ANKRD11: variants seen among roughly 807,000 people sequenced by gnomAD.
The protein encoded by ANKRD11 is ankyrin repeat domain-containing protein 11.
Under a neutral mutation model 195.7 loss-of-function variants are expected in ANKRD11, and 17 were observed. The ratio of observed to expected loss-of-function variants is 0.09; its 90% CI spans 0.06 to 0.13. The LOEUF is 0.13. ANKRD11 is among the 10% of genes least tolerant of loss of function. The pLI is 1.00. For synonymous variants in ANKRD11, 1,953 were observed against 1,528.1 expected (o/e 1.28, Z -6.49); for missense variants, 3,735 against 3,566.1 (o/e 1.05, Z -1.21).
At chr16:89,399,419 C>G (rs535186679) in intron 2 of ANKRD11, among the ~76,000 whole-genome samples, 1 of 152,180 alleles carries the variant, frequency 6.6e-6, no homozygotes, top group South Asian at 2.1e-4. Context: ...AAGGACTACA[C>G]GCTGTACGGT....
rs776520817 is a variant in ANKRD11 at position 89,283,401 on chromosome 16, C to T, written c.3141G>A (p.Gln1047=). ...AACATTTATCAAATTCTTTGTCCTT[C>T]TGACATTTTTCCAGGATTGATTTCT... The part of the protein sequence containing the change: ...KSEKSILEKC[Q]KDKEFDKCFK... Residue 1047 remains glutamine (Q), a synonymous_variant, in exon 9 of 13, where the codon CAG becomes CAA. Coordinates refer to ENST00000301030, the MANE Select transcript of ANKRD11 (RefSeq NM_013275.6). This position sits in a 1 kb window ranked among gnomAD's most constrained non-coding sequence, Gnocchi z 4.3. The T allele has an allele frequency of 1.9e-6, 3 of 1,614,076 alleles. No homozygotes were observed. The South Asian group carries it at 3.3e-5, about 18-fold the overall frequency.
intron 2 of ANKRD11, among the ~76,000 whole-genome samples, chr16:89,383,795 T>C (rs2040772102): frequency 1.3e-5 from 2 of 152,048 alleles, no homozygotes; most frequent in Non-Finnish European, 2.9e-5. Flanking sequence ...AAGAGCCCAA[T>C]CATGATAGCA....
intron 2 of ANKRD11, chr16:89,328,952 C>T (rs535488499): frequency 3.6e-5 from 5 of 137,558 alleles, no homozygotes; most frequent in Admixed American, 7.2e-5. Flanking sequence ...CCCAGGAGCA[C>T]GGGCGAAATC....
intron 2 of ANKRD11, among the ~76,000 whole-genome samples, chr16:89,416,851 A>G (rs2042332483): frequency 1.3e-5 from 2 of 151,950 alleles, no homozygotes; most frequent in Non-Finnish European, 1.5e-5. Context: ...TCCTTTTCAC[A>G]AAGAGGCACA....
intron 7 of ANKRD11, chr16:89,286,436 C>T (rs951270568): frequency 1.6e-6 from 1 of 618,916 alleles, no homozygotes; most frequent in Non-Finnish European, 2.7e-6. Flanking sequence ...CTGTGCTCTC[C>T]TTCAGAAGGG....
At chr16:89,303,515 C>A (rs1166102740) in intron 4 of ANKRD11, among the ~76,000 whole-genome samples, 1 of 152,234 alleles carries the variant, frequency 6.6e-6, no homozygotes, top group Non-Finnish European at 1.5e-5. Context: ...GAGCTGTCCG[C>A]TGCTGGGAAG....
intron 1 of ANKRD11, among the ~76,000 whole-genome samples, chr16:89,434,670 G>C (rs1331301263): frequency 2.0e-5 from 3 of 152,222 alleles, no homozygotes; most frequent in African/African-American, 7.2e-5. Context: ...TTATTAAAGA[G>C]TGGCGTGTGG....
Position 89,281,914 on chromosome 16 carries a change from C to G in ANKRD11, c.4628G>C (p.Gly1543Ala). 1 of 1,613,426 alleles carries G rather than the reference C, an allele frequency of 6.2e-7. No homozygotes were observed. Among genetic ancestry groups the G allele is most frequent in the Non-Finnish European group, 8.5e-7 (1 of 1,180,038 alleles). Residue 1543 changes from glycine to alanine, a missense_variant, in exon 9 of 13, where the codon GGC (glycine) becomes GCC (alanine). By Grantham distance (60) the Gly-to-Ala change is moderately conservative. Transcript: ENST00000301030. This position sits in a 1 kb window ranked among gnomAD's most constrained non-coding sequence, Gnocchi z 5.5. ...CCCGTTGCTCATCTTCACTGGGTCG[C>G]CCTTTTCTTTCTCTGCACCGTCCTT... ...KFKDGAEKEK[G>A]DPVKMSNGND...
At chr16:89,313,236 A>G (rs931613223) in intron 3 of ANKRD11, 3 of 1,232,916 alleles carry the variant, frequency 2.4e-6, no homozygotes, top group Non-Finnish European at 3.2e-6. Flanking sequence ...GCACAATGAG[A>G]CAGGGTGACT....
chr16:89,288,943 G>T, intron 6 of ANKRD11: 1 of 562,008 alleles, frequency 1.8e-6, no homozygotes, highest in Non-Finnish European at 3.2e-6. Flanking sequence ...CACCCTAAAA[G>T]GGTAGGAAAT....
At chr16:89,365,645 A>AG (rs2039912286) in intron 2 of ANKRD11, among the ~76,000 whole-genome samples, 1 of 152,206 alleles carries the variant, frequency 6.6e-6, no homozygotes, top group South Asian at 2.1e-4. Flanking sequence ...TAAGCCAAGT[A>AG]GGGGGCCTTT....
At chr16:89,290,019 G>A (rs952404238) in intron 6 of ANKRD11, among the ~76,000 whole-genome samples, 1 of 152,210 alleles carries the variant, frequency 6.6e-6, no homozygotes, top group Non-Finnish European at 1.5e-5. Context: ...AACAGAGCGA[G>A]ACCCTATCTA....
intron 2 of ANKRD11, among the ~76,000 whole-genome samples, chr16:89,380,791 C>T (rs1034618310): frequency 1.2e-4 from 19 of 152,230 alleles, no homozygotes; most frequent in Non-Finnish European, 2.5e-4. Flanking sequence ...AGCAGGGCTG[C>T]GTAACCACCA....
At chr16:89,438,553 G>C (rs955823056) in intron 1 of ANKRD11, among the ~76,000 whole-genome samples, 2 of 152,028 alleles carry the variant, frequency 1.3e-5, no homozygotes, top group African/African-American at 4.8e-5. Flanking sequence ...GGCTGGTCTT[G>C]AACTTATGAC....
At chr16:89,365,771 T>C (rs1006236201) in intron 2 of ANKRD11, among the ~76,000 whole-genome samples, 2 of 152,136 alleles carry the variant, frequency 1.3e-5, no homozygotes, top group Admixed American at 1.3e-4. Context: ...GGTAAACTTG[T>C]GTCATCAGGG....
At chr16:89,475,084 C>G (rs137902782) in intron 1 of ANKRD11, among the ~76,000 whole-genome samples, 8 of 152,286 alleles carry the variant, frequency 5.3e-5, no homozygotes, top group Non-Finnish European at 1.2e-4. Flanking sequence ...TCTCTGGCAT[C>G]TGTTGTTCAG....
intron 1 of ANKRD11, among the ~76,000 whole-genome samples, chr16:89,489,346 G>C (rs996847269): frequency 1.3e-5 from 2 of 151,872 alleles, no homozygotes; most frequent in Admixed American, 6.6e-5. Flanking sequence ...TGTTCCTTGA[G>C]GCCAAGGGCT....
chr16:89,355,793 C>A (rs1485680710), intron 2 of ANKRD11, among the ~76,000 whole-genome samples: 1 of 152,206 alleles, frequency 6.6e-6, no homozygotes, highest in Non-Finnish European at 1.5e-5. Context: ...TGCACCGAGG[C>A]CCTGCCACGG....
chr16:89,286,718 T>C, intron 7 of ANKRD11: 3 of 1,267,792 alleles, frequency 2.4e-6, no homozygotes, highest in Non-Finnish European at 3.1e-6. Context: ...ATCTCTCCCT[T>C]GCTTGATTTT....
Sources: gnomAD v4.1 joint callset for allele counts (sites outside exome capture counted in the v4.1 genomes callset) on GRCh38, gnomAD v4.1.1 for gene constraint, Gnocchi (gnomAD v3.1) non-coding constraint, MANE v1.5 for transcripts, NCBI Gene and HGNC (gene_info 2026-07-23, HGNC 2026-07-21) for gene names.